CUBN: variants seen among roughly 807,000 people sequenced by gnomAD.
CUBN encodes cubilin, also known as 460 kDa receptor.
CUBN carries 282 observed loss-of-function variants against 405.3 expected under a neutral mutation model. The observed-to-expected ratio is 0.70, with a 90% CI of 0.63 to 0.77. The LOEUF (loss-of-function observed/expected upper bound fraction) is 0.77, where lower values mean the gene tolerates loss of function less well. CUBN is among the 30% of genes least tolerant of loss of function. The pLI is 0.00. For synonymous variants in CUBN, 1,684 were observed against 1,617.0 expected (o/e 1.04, Z -0.99); for missense variants, 4,514 against 4,475.2 (o/e 1.01, Z -0.25).
chr10:17,062,864 A>C (rs1470194336), intron 22 of CUBN, among the ~76,000 whole-genome samples: 3 of 152,256 alleles, frequency 2.0e-5, no homozygotes, highest in Non-Finnish European at 2.9e-5. Flanking sequence ...CTGTTAGAAC[A>C]ATAAAGTAAG....
intron 36 of CUBN, among the ~76,000 whole-genome samples, chr10:16,943,114 C>A (rs1842701780): frequency 6.6e-6 from 1 of 152,198 alleles, no homozygotes; most frequent in South Asian, 2.1e-4. Flanking sequence ...ATACCAGGCA[C>A]ATCTCTGGTC....
At chr10:17,040,889 G>C in intron 27 of CUBN, 144 bp downstream of exon 27, 1 of 721,312 alleles carries the variant, frequency 1.4e-6, no homozygotes, top group Non-Finnish European at 2.4e-6. Flanking sequence ...AAATATACCT[G>C]TTCAAATACC....
At chr10:17,090,997 A>G (rs1409667957) in intron 14 of CUBN, among the ~76,000 whole-genome samples, 1 of 152,184 alleles carries the variant, frequency 6.6e-6, no homozygotes, top group Non-Finnish European at 1.5e-5. Flanking sequence ...AGCCATCCGT[A>G]GCACCCAGAT....
chr10:17,029,632 A>C (rs967847911), intron 27 of CUBN, among the ~76,000 whole-genome samples: 4 of 152,234 alleles, frequency 2.6e-5, no homozygotes, highest in Non-Finnish European at 5.9e-5. Context: ...GTAATAGCTT[A>C]TCTCTAAGCT....
intron 31 of CUBN, among the ~76,000 whole-genome samples, chr10:16,974,253 G>A (rs1833023769): frequency 6.6e-6 from 1 of 152,098 alleles, no homozygotes; most frequent in Non-Finnish European, 1.5e-5. Flanking sequence ...CAAAGTCCAG[G>A]CTCAGCCCCA....
At chr10:17,039,528 CACGGTATAAACAAAGGGCTTTG>C (rs752056647) in intron 27 of CUBN, among the ~76,000 whole-genome samples, 74 of 152,286 alleles carry the variant, frequency 4.9e-4, no homozygotes, top group Middle Eastern at 3.4e-3. Context: ...CTGCTGTGTT[CACGGTATAAACAAAGGGCTTTG>C]AAAGCAACTT....
chr10:17,016,214 G>A (rs1473759759), intron 28 of CUBN, among the ~76,000 whole-genome samples: 17 of 151,920 alleles, frequency 1.1e-4, no homozygotes, highest in Admixed American at 1.0e-3. Context: ...AGTTATGGTG[G>A]ACATCATTGA....
At chr10:17,077,377 C>T (rs900803239) in intron 17 of CUBN, among the ~76,000 whole-genome samples, 1 of 152,014 alleles carries the variant, frequency 6.6e-6, no homozygotes, top group African/African-American at 2.4e-5. Context: ...TGAGAAACAC[C>T]ATTTACATGA....
chr10:16,949,659 G>T (rs1480265347), intron 34 of CUBN, among the ~76,000 whole-genome samples: 1 of 151,966 alleles, frequency 6.6e-6, no homozygotes, highest in Non-Finnish European at 1.5e-5. Context: ...CCATGTGAAT[G>T]TAAGAACTTG....
At chr10:16,894,696 A>C (rs576047001) in intron 54 of CUBN, among the ~76,000 whole-genome samples, 56 of 152,286 alleles carry the variant, frequency 3.7e-4, no homozygotes, top group Non-Finnish European at 7.8e-4. Context: ...CTCTGCCTTC[A>C]TATAAGTTGT....
chr10:16,978,294 T>TG (rs1337577425), intron 31 of CUBN, among the ~76,000 whole-genome samples: 1 of 152,246 alleles, frequency 6.6e-6, no homozygotes, highest in African/African-American at 2.4e-5. Flanking sequence ...TCCCAAAGAC[T>TG]GGACTCACAC....
intron 38 of CUBN, among the ~76,000 whole-genome samples, chr10:16,938,583 T>G (rs775253985): frequency 4.9e-4 from 74 of 152,252 alleles, no homozygotes; most frequent in Non-Finnish European, 1.0e-3. Flanking sequence ...TGGATAGCAA[T>G]GATCACCATG....
chr10:17,107,487 A>G (rs1055491069), intron 10 of CUBN, among the ~76,000 whole-genome samples: 4 of 143,574 alleles, frequency 2.8e-5, no homozygotes, highest in Non-Finnish European at 4.5e-5. Flanking sequence ...TGACAATATA[A>G]GTTGTTCTTT....
At chr10:17,044,037 A>G in intron 25 of CUBN, 54 bp from the exon 26 acceptor site, 1 of 1,450,914 alleles carries the variant, frequency 6.9e-7, no homozygotes, top group East Asian at 2.3e-5. Context: ...CATTATGTAA[A>G]GGACTATAAT....
At chr10:16,915,302 C>G in intron 46 of CUBN, 130 bp from the exon 47 acceptor site, 1 of 1,075,118 alleles carries the variant, frequency 9.3e-7, no homozygotes, top group Non-Finnish European at 1.4e-6. Context: ...ACGTTAATCT[C>G]TGTCAAGACA....
Position 16,841,055 on chromosome 10 carries a change from G to T in CUBN, c.9664-8C>A, listed in dbSNP as rs1839333421. ...ACTATCCCCATCATATAACTGAGAA[G>T]AAAAACAATTCATTACTTCTCCATT... On this transcript the variant is annotated splice_region_variant and splice_polypyrimidine_tract_variant and intron_variant, in intron 60 of 66. Transcript: ENST00000377833. 1 of 1,613,390 alleles carries T rather than the reference G, an allele frequency of 6.2e-7. No individual in the cohort carries two copies. The highest frequency in any genetic ancestry group is 1.7e-5 in the Admixed American group (1 of 59,942).
intron 60 of CUBN, among the ~76,000 whole-genome samples, chr10:16,842,000 A>G (rs999289891): frequency 6.8e-6 from 1 of 146,072 alleles, no homozygotes; most frequent in Non-Finnish European, 1.5e-5. Flanking sequence ...TTCCTGCTTG[A>G]TTTTTCTCCA....
At chr10:17,043,393 A>C (rs1835056492) in intron 26 of CUBN, among the ~76,000 whole-genome samples, 1 of 152,208 alleles carries the variant, frequency 6.6e-6, no homozygotes, top group South Asian at 2.1e-4. Context: ...GGTAGAGACT[A>C]GTGTGATAGA....
intron 36 of CUBN, among the ~76,000 whole-genome samples, chr10:16,940,847 A>T (rs1476837980): frequency 6.6e-6 from 1 of 152,204 alleles, no homozygotes; most frequent in Non-Finnish European, 1.5e-5. Flanking sequence ...ATATGATGGG[A>T]TCATTTAGGT....
Sources: allele counts gnomAD v4.1 joint callset (sites outside exome capture counted in the v4.1 genomes callset), GRCh38; gene constraint gnomAD v4.1.1; transcripts MANE v1.5; gene names NCBI Gene and HGNC (gene_info 2026-07-23, HGNC 2026-07-21).